C4orf50: variants seen among roughly 807,000 people sequenced by gnomAD.
C4orf50 encodes the protein chromosome 4 open reading frame 50, also known as uncharacterized protein C4orf50.
A neutral mutation model predicts 77.2 loss-of-function variants in C4orf50; 80 were observed. That is an observed-to-expected ratio of 1.04 (90% CI 0.87 to 1.25). The LOEUF (loss-of-function observed/expected upper bound fraction) is 1.25. C4orf50 is among the 50% of genes most tolerant of loss of function. The pLI, the probability that C4orf50 is intolerant of heterozygous loss-of-function variation, is 0.00. For missense variants in C4orf50, 1,257 were observed against 1,152.9 expected (o/e 1.09, Z -1.31); for synonymous variants, 532 against 465.3 (o/e 1.14, Z -1.84).
chr4:5,965,102 T>A, exon 33 of C4orf50: 3 of 1,613,742 alleles, frequency 1.9e-6, no homozygotes, highest in Non-Finnish European at 2.5e-6. Flanking sequence ...ACAATGAGCT[T>A]TGGAGGACAC....
chr4:5,909,033 C>A (rs903454302), intron 7 of C4orf50, among the ~76,000 whole-genome samples: 1 of 152,192 alleles, frequency 6.6e-6, no homozygotes. Flanking sequence ...CCCACACAAT[C>A]CACTCTACAC....
At chr4:5,917,096 A>G (rs1015479353) in intron 7 of C4orf50, among the ~76,000 whole-genome samples, 1 of 152,102 alleles carries the variant, frequency 6.6e-6, no homozygotes, top group Non-Finnish European at 1.5e-5. Flanking sequence ...AGGCCCCCAC[A>G]TTTTTTGATA....
intron 7 of C4orf50, among the ~76,000 whole-genome samples, chr4:5,951,122 G>T (rs963095660): frequency 6.6e-6 from 1 of 152,170 alleles, no homozygotes; most frequent in Non-Finnish European, 1.5e-5. Flanking sequence ...CCAGAACTAG[G>T]GTCCCGTCGA....
intron 7 of C4orf50, among the ~76,000 whole-genome samples, chr4:5,943,358 G>C (rs1718344445): frequency 1.3e-5 from 2 of 152,170 alleles, no homozygotes; most frequent in African/African-American, 4.8e-5. Flanking sequence ...TTCACATTTG[G>C]AATAGCCACA....
chr4:5,999,670 T>G (rs969246625), intron 25 of C4orf50, among the ~76,000 whole-genome samples: 3 of 151,950 alleles, frequency 2.0e-5, no homozygotes, highest in East Asian at 1.9e-4. Context: ...AGAGCTAAAG[T>G]GAACCAGTTT....
At chr4:5,941,579 C>T (rs1718267262) in intron 7 of C4orf50, among the ~76,000 whole-genome samples, 1 of 152,196 alleles carries the variant, frequency 6.6e-6, no homozygotes, top group Admixed American at 6.5e-5. Flanking sequence ...TTCCTCATGC[C>T]TGCAGTGTGC....
In C4orf50 at chr4:5,910,003, A is replaced by G. The variant is rs977765735; in HGVS notation, c.*2475-11815T>C. On this transcript the variant is annotated intron_variant, in intron 7 of 7. Coordinates refer to the C4orf50 transcript ENST00000324058. ...GCTATTTGAGGTCTTTTGTGGTTCC[A>G]TGTGAATTCTAGAATTTTTTTTTCT... Among the ~76,000 whole-genome samples, 3 of 152,166 alleles carry G rather than the reference A, an allele frequency of 2.0e-5. 1 individual carries two copies. In the South Asian group the frequency reaches 6.2e-4, roughly 32 times the overall value.
intron 7 of C4orf50, among the ~76,000 whole-genome samples, chr4:5,922,246 G>C (rs577005799): frequency 1.3e-5 from 2 of 152,218 alleles, no homozygotes; most frequent in Non-Finnish European, 2.9e-5. Context: ...AGTGATGCAC[G>C]GGGACAGAGG....
At chr4:6,010,656 G>A (rs4234715) in intron 24 of C4orf50, among the ~76,000 whole-genome samples, 150,532 of 152,318 alleles carry the variant, frequency 0.99, 74,384 homozygotes, top group East Asian at 1. Flanking sequence ...GCAACCTGCA[G>A]TTTGAAAATC....
chr4:5,917,406 C>CTTTT (rs34928524), intron 7 of C4orf50, among the ~76,000 whole-genome samples: 13 of 86,418 alleles, frequency 1.5e-4, no homozygotes, highest in Non-Finnish European at 2.4e-4. Flanking sequence ...TCCTGTATTT[C>CTTTT]TTTTTTTTTT....
At chr4:6,004,257 T>G (rs1722092047) in intron 25 of C4orf50, among the ~76,000 whole-genome samples, 1 of 73,728 alleles carries the variant, frequency 1.4e-5, no homozygotes, top group African/African-American at 5.4e-5. Flanking sequence ...ATGATGGTGA[T>G]GGTGATGGTG....
chr4:6,005,451 G>A (rs968642072), intron 25 of C4orf50, among the ~76,000 whole-genome samples: 13 of 152,022 alleles, frequency 8.6e-5, no homozygotes, highest in Admixed American at 5.2e-4. Flanking sequence ...GGGAGCTTAT[G>A]GCATAGAATC....
At chr4:5,965,050 G>T in exon 33 of C4orf50, 1 of 1,613,626 alleles carries the variant, frequency 6.2e-7, no homozygotes, top group Non-Finnish European at 8.5e-7. Context: ...TGGGCTGTCT[G>T]TGCTGGCCAC....
At chr4:5,972,558 T>G (rs1258699688) in intron 31 of C4orf50, among the ~76,000 whole-genome samples, 2 of 152,162 alleles carry the variant, frequency 1.3e-5, no homozygotes, top group East Asian at 3.9e-4. Flanking sequence ...ATCTCTGCTG[T>G]GCAATGATTT....
At chr4:5,915,768 TC>T (rs1717003634) in intron 7 of C4orf50, among the ~76,000 whole-genome samples, 1 of 152,214 alleles carries the variant, frequency 6.6e-6, no homozygotes, top group Non-Finnish European at 1.5e-5. Flanking sequence ...GTGTCCTGTT[TC>T]TTGCAGCTAA....
intron 7 of C4orf50, chr4:5,898,295 C>G (rs1045553907): frequency 6.6e-6 from 1 of 152,190 alleles, no homozygotes; most frequent in Admixed American, 6.5e-5. Context: ...TCATCTTATT[C>G]CCCCAACTCA....
intron 7 of C4orf50, among the ~76,000 whole-genome samples, chr4:5,936,681 G>A (rs992046053): frequency 2.4e-4 from 36 of 151,012 alleles, no homozygotes; most frequent in African/African-American, 8.0e-4. Context: ...GTTTCAGAAG[G>A]AAAGAAAAGA....
chr4:5,988,281 T>C, intron 28 of C4orf50, 66 bp downstream of exon 6: 2 of 1,561,450 alleles, frequency 1.3e-6, no homozygotes, highest in South Asian at 2.5e-5. Flanking sequence ...ATTGCATAAG[T>C]GAATGGGGTG....
chr4:5,919,746 G>T lies in C4orf50; in HGVS notation c.*2475-21558C>A, dbSNP rs538684063. Among the ~76,000 whole-genome samples, 1 of 152,112 alleles carries T rather than the reference G, an allele frequency of 6.6e-6. No homozygotes were observed. Among genetic ancestry groups the T allele is most frequent in the African/African-American group, 2.4e-5 (1 of 41,416 alleles). On this transcript the variant is annotated intron_variant, in intron 7 of 7. Transcript: ENST00000324058. The surrounding 1 kb of genome is among the most constrained non-coding windows in gnomAD (Gnocchi z 6.5). ...TGGAGGGACCACACCAGCTGAAACC[G>T]CTGCCATGGCAGACAAGAAAATGCT...
Sources: allele counts gnomAD v4.1 joint callset (sites outside exome capture counted in the v4.1 genomes callset), GRCh38; gene constraint gnomAD v4.1.1; non-coding constraint Gnocchi (gnomAD v3.1); transcripts MANE v1.5; gene names NCBI Gene and HGNC (gene_info 2026-07-23, HGNC 2026-07-21).